Variants in ROBO2 observed in about 807,000 individuals in gnomAD.
ROBO2 encodes the protein roundabout homolog 2.
In ROBO2, 53 loss-of-function variants were observed where a neutral mutation model predicts 160.8. The observed-to-expected ratio is 0.33, with a 90% CI of 0.26 to 0.41. The LOEUF is 0.41. Among genes scored for constraint, ROBO2 ranks in the 10% least tolerant of loss-of-function variants. The pLI is 1.00. For synonymous variants in ROBO2, 664 were observed against 611.7 expected, an observed-to-expected ratio of 1.09 and a Z score of -1.26; for missense variants, 1,577 against 1,722.4, an observed-to-expected ratio of 0.92 and a Z score of 1.49.
At chr3:76,567,797 G>GTA (rs1553806022) in intron 2 of ROBO2, among the ~76,000 whole-genome samples, 57 of 72,454 alleles carry the variant, frequency 7.9e-4, no homozygotes, top group African/African-American at 1.0e-3. Context: ...GTGTGTGTGT[G>GTA]TATATATATA....
chr3:75,967,917 C>G (rs1949177177), intron 2 of ROBO2, among the ~76,000 whole-genome samples: 1 of 151,246 alleles, frequency 6.6e-6, no homozygotes, highest in South Asian at 2.1e-4. Flanking sequence ...TCTTCAGTGT[C>G]CAGAAGTTTT....
chr3:77,490,920 G>A (rs548530433), intron 4 of ROBO2, among the ~76,000 whole-genome samples: 4 of 152,224 alleles, frequency 2.6e-5, no homozygotes, highest in African/African-American at 7.2e-5. Flanking sequence ...CCTAATTCAC[G>A]ACTTTATGTT....
At chr3:77,179,271 G>A (rs910181005) in intron 2 of ROBO2, among the ~76,000 whole-genome samples, 2 of 151,082 alleles carry the variant, frequency 1.3e-5, no homozygotes, top group East Asian at 1.9e-4. Context: ...TTCACTTCTC[G>A]GGAGATTGAA....
chr3:76,280,595 C>A (rs968682726), intron 2 of ROBO2, among the ~76,000 whole-genome samples: 4 of 151,992 alleles, frequency 2.6e-5, no homozygotes, highest in Admixed American at 6.6e-5. Flanking sequence ...AATCCACTTC[C>A]TTTCCCAGTA....
intron 2 of ROBO2, among the ~76,000 whole-genome samples, chr3:76,791,946 T>C (rs2063380745): frequency 6.6e-6 from 1 of 151,922 alleles, no homozygotes; most frequent in African/African-American, 2.4e-5. Flanking sequence ...TAATTTAAAG[T>C]ACATAGGAAG....
At chr3:77,445,779 A>G (rs2080415438) in intron 2 of ROBO2, among the ~76,000 whole-genome samples, 1 of 130,364 alleles carries the variant, frequency 7.7e-6, no homozygotes, top group African/African-American at 2.9e-5. Context: ...TTAAACAATT[A>G]AAAGGTTTTT....
At chr3:76,006,237 T>C (rs2066016610) in intron 2 of ROBO2, among the ~76,000 whole-genome samples, 1 of 152,148 alleles carries the variant, frequency 6.6e-6, no homozygotes, top group South Asian at 2.1e-4. Flanking sequence ...CTGATTATAT[T>C]TGAATTTGTT....
chr3:75,972,614 A>G lies in ROBO2; in HGVS notation c.109+35012A>G, dbSNP rs116980879. 3.8e-3 allele frequency among the ~76,000 whole-genome samples: 579 copies of G among 151,842 alleles called. 10 individuals carry two copies. The highest frequency in any genetic ancestry group is 0.037 in the East Asian group (188 of 5,120). On this transcript the variant is annotated intron_variant, in intron 2 of 26. Coordinates refer to the ROBO2 transcript ENST00000487694. Reference sequence around the variant, plus strand: ...CTTGGATTTTGGAGAAATGCAGGGCATAATTTTCTTGAATTCAAATCATGT... The same window carrying G: ...CTTGGATTTTGGAGAAATGCAGGGCGTAATTTTCTTGAATTCAAATCATGT...
intron 2 of ROBO2, among the ~76,000 whole-genome samples, chr3:76,629,754 T>G (rs1371589569): frequency 6.6e-6 from 1 of 152,198 alleles, no homozygotes; most frequent in East Asian, 1.9e-4. Context: ...CAGTCTTTAG[T>G]AAATTTTGAA....
At chr3:76,978,933 TGTTTG>T (rs2149316723) in intron 2 of ROBO2, among the ~76,000 whole-genome samples, 1 of 150,368 alleles carries the variant, frequency 6.7e-6, no homozygotes, top group East Asian at 1.9e-4. Flanking sequence ...TTTGTTTGTT[TGTTTG>T]TTTTTTAAAA....
At chr3:76,693,297 G>A (rs2092850922) in intron 2 of ROBO2, among the ~76,000 whole-genome samples, 1 of 148,560 alleles carries the variant, frequency 6.7e-6, no homozygotes, top group South Asian at 2.1e-4. Flanking sequence ...GTATCTATAT[G>A]TAGTGTGTGT....
intron 2 of ROBO2, among the ~76,000 whole-genome samples, chr3:77,199,680 G>C (rs7428231): frequency 1.4e-5 from 2 of 143,714 alleles, no homozygotes; most frequent in Non-Finnish European, 3.0e-5. Context: ...TCTGAGTGCA[G>C]TGGTACAATT....
rs554848935 is a variant in ROBO2 at position 76,785,697 on chromosome 3, C to T, written c.110-312317C>T. 2.6e-5 allele frequency among the ~76,000 whole-genome samples: 4 copies of T among 151,294 alleles called. No individual in the cohort carries two copies. The South Asian group carries it at 8.3e-4, about 31-fold the overall frequency. On this transcript the variant is annotated intron_variant, in intron 2 of 26. Coordinates refer to the ROBO2 transcript ENST00000487694. ...GTTTTCATGGTCTGTTTACATATGA[C>T]ACTATCCATATTCATAATTTTCACT...
chr3:77,011,902 T>A (rs569255034), intron 2 of ROBO2, among the ~76,000 whole-genome samples: 2 of 152,270 alleles, frequency 1.3e-5, no homozygotes, highest in South Asian at 2.1e-4. Context: ...GGTGTCATGA[T>A]ATAATAAGAA....
intron 2 of ROBO2, among the ~76,000 whole-genome samples, chr3:77,403,580 G>A (rs1319372988): frequency 5.9e-5 from 4 of 67,976 alleles, no homozygotes; most frequent in Admixed American, 2.6e-4. Flanking sequence ...TTCAGTGTGT[G>A]TGTGTGTGTG....
At chr3:76,353,365 A>G (rs759440930) in intron 2 of ROBO2, among the ~76,000 whole-genome samples, 2 of 151,976 alleles carry the variant, frequency 1.3e-5, no homozygotes, top group Non-Finnish European at 2.9e-5. Flanking sequence ...CGAAGGAGAA[A>G]CTTGAGAGAA....
chr3:76,819,049 A>T (rs2065909756), intron 2 of ROBO2, among the ~76,000 whole-genome samples: 1 of 152,074 alleles, frequency 6.6e-6, no homozygotes, highest in Non-Finnish European at 1.5e-5. Context: ...GATCTTAGGT[A>T]TCCATTCATT....
chr3:75,938,451 T>C (rs1175982618), intron 2 of ROBO2, among the ~76,000 whole-genome samples: 1 of 152,250 alleles, frequency 6.6e-6, no homozygotes, highest in East Asian at 1.9e-4. Context: ...CCTGAAATTT[T>C]CTTTTCCTTT....
intron 2 of ROBO2, among the ~76,000 whole-genome samples, chr3:76,592,881 A>C (rs575826812): frequency 6.6e-6 from 1 of 152,144 alleles, no homozygotes; most frequent in East Asian, 1.9e-4. Flanking sequence ...CAGCCAAGAC[A>C]AAAAAAGATG....
Sources: gnomAD v4.1 joint callset for allele counts (sites outside exome capture counted in the v4.1 genomes callset) on GRCh38, gnomAD v4.1.1 for gene constraint, MANE v1.5 for transcripts, NCBI Gene and HGNC (gene_info 2026-07-23, HGNC 2026-07-21) for gene names.